TSC2: variants seen among roughly 807,000 people sequenced by gnomAD.
The protein encoded by TSC2 is tuberin.
Under a neutral mutation model 202.2 loss-of-function variants are expected in TSC2, and 29 were observed. That is an observed-to-expected ratio of 0.14 (90% confidence interval 0.11 to 0.20). The LOEUF is 0.20. Among genes scored for constraint, TSC2 ranks in the 10% least tolerant of loss-of-function variants. TSC2 has a pLI of 1.00. For missense variants in TSC2, 2,429 were observed against 2,420.0 expected, an observed-to-expected ratio of 1.00 and a Z score of -0.08; for synonymous variants, 1,349 against 1,044.0, an observed-to-expected ratio of 1.29 and a Z score of -5.63.
chr16:2,065,476 A>C, intron 15 of TSC2, 43 bp from the exon 16 acceptor site: 1 of 1,531,630 alleles, frequency 6.5e-7, no homozygotes. Context: ...CTGCTGACTC[A>C]GAACCATGAG....
rs763948768 is a variant in TSC2 at position 2,058,843 on chromosome 16, G to A, written c.945G>A (p.Ser315=). The A allele has an allele frequency of 2.9e-5, 47 of 1,607,044 alleles. No individual in the cohort carries two copies. Among genetic ancestry groups the A allele is most frequent in the African/African-American group, 1.2e-4 (9 of 74,892 alleles). Residue 315 remains serine, a synonymous_variant, in exon 10 of 42, where the codon TCG becomes TCA. Transcript: ENST00000219476. ...ACCGGCTCTATTCTCTCAGGAACTCGCCGACATCTGTGTTGCCATCATTTT... is the reference window on the plus strand; with the variant it reads ...ACCGGCTCTATTCTCTCAGGAACTCACCGACATCTGTGTTGCCATCATTTT... ...GAHRLYSLRN[S]PTSVLPSFYQ...
At chr16:2,069,037 C>T (rs376955313) in intron 16 of TSC2, among the ~76,000 whole-genome samples, 12 of 151,858 alleles carry the variant, frequency 7.9e-5, no homozygotes, top group Middle Eastern at 3.2e-3. Context: ...GTGGGAGAGG[C>T]GGAAGAAAAT....
chr16:2,054,065 G>A, intron 4 of TSC2: 1 of 617,232 alleles, frequency 1.6e-6, no homozygotes, highest in Non-Finnish European at 2.8e-6. Flanking sequence ...GCTGTGCCAG[G>A]TCCCGACACA....
chr16:2,072,168 G>A, intron 19 of TSC2, 73 bp from the exon 20 acceptor site: 1 of 1,607,804 alleles, frequency 6.2e-7, no homozygotes, highest in South Asian at 1.1e-5. Context: ...ACAAAGCAGA[G>A]CCTCAGATGC....
chr16:2,080,808 C>T (rs56110432), intron 30 of TSC2: 29,139 of 209,948 alleles, frequency 0.14, 2,274 homozygotes, highest in Middle Eastern at 0.17. Flanking sequence ...TGTAAGTCTC[C>T]AGAGGTGAGC....
chr16:2,082,174 C>T (rs893614398), intron 31 of TSC2: 3 of 599,026 alleles, frequency 5.0e-6, no homozygotes, highest in East Asian at 2.8e-5. Context: ...CGGCACCGTG[C>T]TTCTCGCCAG....
intron 10 of TSC2, among the ~76,000 whole-genome samples, chr16:2,059,969 T>C (rs1177054782): frequency 1.3e-5 from 2 of 152,130 alleles, no homozygotes; most frequent in Non-Finnish European, 2.9e-5. Context: ...CCCAAAGGCT[T>C]TATTCTCAAG....
chr16:2,077,082 G>A (rs925427475), intron 25 of TSC2, among the ~76,000 whole-genome samples: 2 of 152,240 alleles, frequency 1.3e-5, no homozygotes, highest in Non-Finnish European at 2.9e-5. Context: ...ATTTTCCAGC[G>A]TGACCTCAAC....
chr16:2,089,326 A>C lies in TSC2; in HGVS notation c.*716A>C. The C allele has an allele frequency of 3.3e-6, 1 of 299,016 alleles. No homozygotes were observed. The highest frequency in any genetic ancestry group is 6.3e-6 in the Non-Finnish European group (1 of 158,030). The allele number at this position is 299,016 out of a possible 1,614,324, so 18.5% of individuals were successfully genotyped here. On this transcript the variant is annotated 3_prime_UTR_variant, in exon 42 of 42. Transcript: ENST00000219476. ...AGACGGTGCAGGGAGTACGGTAGGA[A>C]CTGGAGAGGTAATAACTTAGGGGCA...
intron 7 of TSC2, 57 bp downstream of exon 7, chr16:2,056,301 G>C: frequency 6.2e-7 from 1 of 1,609,626 alleles, no homozygotes; most frequent in African/African-American, 1.3e-5. Flanking sequence ...TGGGAGGCTG[G>C]GGCTTGGGGG....
intron 2 of TSC2, among the ~76,000 whole-genome samples, chr16:2,049,919 C>G (rs1483414407): frequency 6.6e-6 from 1 of 151,820 alleles, no homozygotes; most frequent in Non-Finnish European, 1.5e-5. Flanking sequence ...ATTCTCAACT[C>G]CTCGGGATGG....
intron 4 of TSC2, 25 bp from the exon 5 acceptor site, chr16:2,054,271 C>CT: frequency 6.2e-7 from 1 of 1,614,056 alleles, no homozygotes; most frequent in Non-Finnish European, 8.5e-7. Flanking sequence ...GCAGGCTCTG[C>CT]TGATCCTGTG....
chr16:2,072,442 CGAGT>C, intron 20 of TSC2, 79 bp downstream of exon 20: 2 of 1,580,280 alleles, frequency 1.3e-6, no homozygotes, highest in Non-Finnish European at 1.7e-6. Context: ...CTGGGCAGAG[CGAGT>C]GAGACCCTTC....
At chr16:2,087,004 C>T (rs763782571) in intron 38 of TSC2, 133 bp downstream of exon 38, 31 of 1,368,262 alleles carry the variant, frequency 2.3e-5, no homozygotes, top group Middle Eastern at 4.9e-4. Context: ...CTCAGGGCCC[C>T]GTGGGCACGA....
In TSC2 at chr16:2,088,532, C is replaced by G. The variant is rs557200243; in HGVS notation, c.5346C>G (p.Ala1782=). ...SHSKAPAQTP[A]EPTPGYEVGQ... ...GCAAAGCCCCTGCACAGACTCCAGC[C>G]GAGCCCACACCTGGCTATGAGGTGG... The change falls in exon 42 of 42, where the codon GCC becomes GCG. Residue 1782 remains alanine, a synonymous_variant. Coordinates refer to ENST00000219476, the MANE Select transcript of TSC2 (RefSeq NM_000548.5). The G allele has an allele frequency of 1.2e-6, 2 of 1,612,276 alleles. No homozygotes were observed. The highest frequency in any genetic ancestry group is 4.5e-5 in the East Asian group (2 of 44,880).
rs373004429 is a variant in TSC2 at position 2,079,668 on chromosome 16, G to A, written c.3396G>A (p.Ser1132=). 2.1e-5 allele frequency: 33 copies of A among 1,586,486 alleles called. No individual in the cohort carries two copies. Among genetic ancestry groups the A allele is most frequent in the East Asian group, 1.1e-4 (5 of 43,702 alleles). The change falls in exon 29 of 42, where the codon TCG becomes TCA. Residue 1132 remains serine (S), a splice_region_variant and synonymous_variant. Coordinates refer to ENST00000219476, the MANE Select transcript of TSC2 (RefSeq NM_000548.5). The surrounding 1 kb of genome is among the most constrained non-coding windows in gnomAD (Gnocchi z 4.6). ...CCCGGGATCGGGTCCGTTCCATGTCGGGTGAGCCTTGGCCCCAGCCACCTC... is the reference window on the plus strand; with the variant it reads ...CCCGGGATCGGGTCCGTTCCATGTCAGGTGAGCCTTGGCCCCAGCCACCTC... ...RGARDRVRSM[S]GGHGLRVGAL... is the part of the protein sequence containing the mutation.
Position 2,088,456 on chromosome 16 carries a change from A to C in TSC2, c.5270A>C (p.Glu1757Ala), listed in dbSNP as rs2151637961. ...CGCCTCTGCCTTCAGATCTGCGAGGAAGCCGCCTACTCCAACCCCAGCCTA... is the reference window on the plus strand; with the variant it reads ...CGCCTCTGCCTTCAGATCTGCGAGGCAGCCGCCTACTCCAACCCCAGCCTA... ...IKRLRQRICEEAAYSNPSLPL... is the reference protein window; with the variant it reads ...IKRLRQRICEAAAYSNPSLPL... Residue 1757 changes from glutamate (E) to alanine (A), a missense_variant, in exon 42 of 42, where the codon GAA becomes GCA. Physicochemically the swap from Glu to Ala is moderately radical, Grantham distance 107. Coordinates refer to ENST00000219476, the MANE Select transcript of TSC2 (RefSeq NM_000548.5). 1.2e-6 allele frequency: 2 copies of C among 1,612,704 alleles called. No homozygotes were observed. The highest frequency in any genetic ancestry group is 2.7e-5 in the African/African-American group (2 of 74,992).
At chr16:2,082,061 C>T (rs773007498) in intron 31 of TSC2, 10 of 609,348 alleles carry the variant, frequency 1.6e-5, no homozygotes, top group Non-Finnish European at 2.9e-5. Flanking sequence ...GTGGGGAGTC[C>T]AGCACTGCGG....
At chr16:2,055,164 C>T (rs2085613947) in intron 5 of TSC2, 2 of 603,572 alleles carry the variant, frequency 3.3e-6, no homozygotes, top group Admixed American at 2.5e-5. Context: ...CGCCTCGGCA[C>T]AGACCCTCTG....
Sources: allele counts gnomAD v4.1 joint callset (sites outside exome capture counted in the v4.1 genomes callset), GRCh38; gene constraint gnomAD v4.1.1; non-coding constraint Gnocchi (gnomAD v3.1); transcripts MANE v1.5; gene names NCBI Gene and HGNC (gene_info 2026-07-23, HGNC 2026-07-21).